CEP192: variants seen among roughly 807,000 people sequenced by gnomAD.
CEP192 encodes centrosomal protein of 192 kDa.
A neutral mutation model predicts 271.8 loss-of-function variants in CEP192; 151 were observed. The observed-to-expected ratio is 0.56, with a 90% CI of 0.49 to 0.64. The LOEUF (loss-of-function observed/expected upper bound fraction) is 0.64. CEP192 is among the 30% of genes least tolerant of loss of function. The pLI, the probability that CEP192 is intolerant of heterozygous loss-of-function variation, is 0.00. For synonymous variants in CEP192, 995 were observed against 1,076.5 expected (o/e 0.92, Z 1.48); for missense variants, 2,910 against 3,020.5 (o/e 0.96, Z 0.86).
intron 3 of CEP192, among the ~76,000 whole-genome samples, chr18:13,007,799 A>T (rs530020907): frequency 8.5e-5 from 13 of 152,322 alleles, no homozygotes; most frequent in African/African-American, 2.9e-4. Context: ...TTTTAAAAAA[A>T]AATCCATCCT....
intron 11 of CEP192, among the ~76,000 whole-genome samples, chr18:13,036,827 G>A (rs536448758): frequency 5.3e-5 from 8 of 152,318 alleles, no homozygotes; most frequent in Non-Finnish European, 7.3e-5. Flanking sequence ...GGGGGCAAGC[G>A]GTCCTGGGGC....
At chr18:13,113,500 TCATACCAAA>T in intron 40 of CEP192, 77 bp from the exon 41 acceptor site, 1 of 1,348,884 alleles carries the variant, frequency 7.4e-7, no homozygotes, top group Non-Finnish European at 1.0e-6. Context: ...TTAATTTTTT[TCATACCAAA>T]TCTTTGAACT....
rs1183906018 is a variant in CEP192, at chr18:13,056,337, A to G, written c.3747A>G (p.Ala1249=). The change falls in exon 19 of 45, where the codon GCA becomes GCG. Residue 1249 remains alanine (A), a synonymous_variant. Transcript: ENST00000506447. ...DMQNMPAAVH[A]LLTQPSLSAA... is the part of the protein sequence containing the mutation. ...AGAACATGCCTGCTGCTGTGCACGCACTCTTGACACAACCCTCTCTCAGCG... is the reference window on the plus strand; with the variant it reads ...AGAACATGCCTGCTGCTGTGCACGCGCTCTTGACACAACCCTCTCTCAGCG... The G allele has an allele frequency of 1.9e-6, 3 of 1,613,936 alleles. No homozygotes were observed. In the African/African-American group the frequency reaches 4.0e-5, roughly 22 times the overall value.
chr18:13,002,212 T>A (rs2033692727), intron 3 of CEP192, among the ~76,000 whole-genome samples: 1 of 152,210 alleles, frequency 6.6e-6, no homozygotes, highest in African/African-American at 2.4e-5. Context: ...CTATTTTGTA[T>A]GTGCATTTAT....
intron 9 of CEP192, among the ~76,000 whole-genome samples, chr18:13,026,960 G>A (rs1183929367): frequency 1.3e-5 from 2 of 151,904 alleles, no homozygotes; most frequent in African/African-American, 4.8e-5. Context: ...TTTCTTGTTA[G>A]CTGGACGTGA....
intron 30 of CEP192, among the ~76,000 whole-genome samples, chr18:13,077,175 C>T (rs776978145): frequency 2.1e-4 from 32 of 152,304 alleles, no homozygotes; most frequent in Admixed American, 1.2e-3. Flanking sequence ...TAGTTAAGTA[C>T]ATAACAACTC....
At chr18:13,042,917 G>A (rs2036285098) in intron 15 of CEP192, among the ~76,000 whole-genome samples, 1 of 152,220 alleles carries the variant, frequency 6.6e-6, no homozygotes, top group African/African-American at 2.4e-5. Flanking sequence ...CCTAGTACCT[G>A]GGAAGTGTGC....
chr18:13,060,720 C>G (rs540567138), intron 21 of CEP192, among the ~76,000 whole-genome samples: 1 of 151,824 alleles, frequency 6.6e-6, no homozygotes, highest in East Asian at 1.9e-4. Context: ...CCCAGGAGTT[C>G]GAGACCAGCC....
Position 13,055,662 on chromosome 18 carries a change from T to G in CEP192, c.3190-118T>G, listed in dbSNP as rs542851552. ...CTACTATTTTTGTGTAAACCAATTT[T>G]TTTTCAAAGAGACACCTCATGCACA... On this transcript the variant is annotated intron_variant, in intron 18 of 44. Transcript: ENST00000506447. 7.6e-6 allele frequency: 5 copies of G among 661,130 alleles called. No homozygotes were observed. The South Asian group carries it at 1.3e-4, about 17-fold the overall frequency. 41.0% of individuals were successfully genotyped at this position (661,130 alleles called of 1,614,324 possible).
Position 13,056,042 on chromosome 18 carries a change from G to T in CEP192, c.3452G>T (p.Ser1151Ile). 6.2e-7 allele frequency: 1 copy of T among 1,614,224 alleles called. No homozygotes were observed. Among genetic ancestry groups the T allele is most frequent in the Non-Finnish European group, 8.5e-7 (1 of 1,180,050 alleles). ...AAAAGTGGAAATCTGTTGGAAACCA[G>T]TGAGGTAGGTTGGACATCAAACCCT... The part of the protein sequence containing the change: ...SSKSGNLLET[S>I]EVGWTSNPEE... Residue 1151 changes from serine to isoleucine, a missense_variant, in exon 19 of 45, where the codon AGT (serine) becomes ATT (isoleucine). Ser to Ile is a moderately radical substitution (Grantham distance 142). Coordinates refer to ENST00000506447, the MANE Select transcript of CEP192 (RefSeq NM_032142.4).
chr18:13,044,716 G>A (rs1167583512), intron 15 of CEP192, among the ~76,000 whole-genome samples: 1 of 152,136 alleles, frequency 6.6e-6, no homozygotes, highest in African/African-American at 2.4e-5. Flanking sequence ...CTAATAGTTT[G>A]CTTAGAATTT....
chr18:13,055,973 A>T lies in CEP192; in HGVS notation c.3383A>T (p.Glu1128Val), dbSNP rs2037072874. 6.2e-7 allele frequency: 1 copy of T among 1,614,110 alleles called. No homozygotes were observed. Among genetic ancestry groups the T allele is most frequent in the African/African-American group, 1.3e-5 (1 of 74,950 alleles). ...TETTSLSSKP[E>V]YVKPDFRWSK... ...ACTACTTCTCTGAGTAGCAAGCCTG[A>T]ATATGTAAAACCTGACTTTAGATGG... Residue 1128 changes from glutamate (E) to valine (V), a missense_variant, in exon 19 of 45, where the codon GAA becomes GTA. Glu to Val is a moderately radical substitution (Grantham distance 121). Transcript: ENST00000506447.
intron 44 of CEP192, among the ~76,000 whole-genome samples, chr18:13,122,853 G>C (rs941638142): frequency 1.2e-4 from 15 of 128,700 alleles, no homozygotes; most frequent in African/African-American, 4.1e-4. Context: ...GTGTGTGTGT[G>C]TGTGTGTAGA....
chr18:13,054,528 C>T (rs555849633), intron 18 of CEP192, among the ~76,000 whole-genome samples: 149 of 152,254 alleles, frequency 9.8e-4, no homozygotes, highest in African/African-American at 3.4e-3. Flanking sequence ...TCTGCATGTT[C>T]TTAGCATAGT....
chr18:13,052,660 A>G (rs1295323523), intron 17 of CEP192, among the ~76,000 whole-genome samples: 1 of 152,218 alleles, frequency 6.6e-6, no homozygotes, highest in African/African-American at 2.4e-5. Context: ...TATAGCATGA[A>G]TAGCTAATTG....
chr18:13,066,038 C>T (rs777120471), intron 21 of CEP192, among the ~76,000 whole-genome samples: 13 of 152,212 alleles, frequency 8.5e-5, no homozygotes, highest in African/African-American at 1.2e-4. Context: ...GCCATGTTAC[C>T]GTCTGAACTC....
intron 3 of CEP192, among the ~76,000 whole-genome samples, chr18:13,001,855 C>T (rs1215097839): frequency 6.6e-6 from 1 of 152,146 alleles, no homozygotes; most frequent in East Asian, 1.9e-4. Flanking sequence ...AGGCAGGTGC[C>T]ACCAAGCCCA....
At chr18:13,074,765 A>C (rs373129566) in intron 30 of CEP192, among the ~76,000 whole-genome samples, 7 of 152,180 alleles carry the variant, frequency 4.6e-5, no homozygotes, top group African/African-American at 1.7e-4. Flanking sequence ...GCCTTTGTAA[A>C]GATAAAGTAG....
In CEP192 at chr18:13,056,481, A is replaced by G. The variant is rs1382750826; in HGVS notation, c.3891A>G (p.Pro1297=). Residue 1297 remains proline (P), a synonymous_variant, in exon 19 of 45, where the codon CCA becomes CCG. Coordinates refer to ENST00000506447, the MANE Select transcript of CEP192 (RefSeq NM_032142.4). ...GCTTCTCAGGAGGCCTTCCCTATCC[A>G]GCTGTTGCAGGAGAGCCTGTGCAGA... ...VCGFSGGLPY[P]AVAGEPVQNS... is the part of the protein sequence containing the mutation. The G allele has an allele frequency of 5.0e-6, 8 of 1,614,180 alleles. No individual in the cohort carries two copies. The highest frequency in any genetic ancestry group is 5.9e-6 in the Non-Finnish European group (7 of 1,180,010).
Sources: allele counts gnomAD v4.1 joint callset (sites outside exome capture counted in the v4.1 genomes callset), GRCh38; gene constraint gnomAD v4.1.1; transcripts MANE v1.5; gene names NCBI Gene and HGNC (gene_info 2026-07-23, HGNC 2026-07-21).